The following SH3BP2 variants were observed in gnomAD, a reference collection of about 807,000 sequenced individuals.
The protein encoded by SH3BP2 is SH3 domain binding protein 2, also known as SH3 domain-binding protein 2.
SH3BP2 carries 38 observed loss-of-function variants against 56.2 expected under a neutral mutation model. That is an observed-to-expected ratio of 0.68 (90% confidence interval 0.52 to 0.89). The LOEUF (loss-of-function observed/expected upper bound fraction) is 0.89. SH3BP2 is among the 40% of genes least tolerant of loss of function. SH3BP2 has a pLI of 0.00. For missense variants in SH3BP2, 748 were observed against 762.6 expected (o/e 0.98, Z 0.23); for synonymous variants, 346 against 316.7 (o/e 1.09, Z -0.98).
intron 1 of SH3BP2, among the ~76,000 whole-genome samples, chr4:2,815,832 G>T (rs1723970160): frequency 6.6e-6 from 1 of 152,192 alleles, no homozygotes; most frequent in African/African-American, 2.4e-5. Flanking sequence ...GTGAGGATGG[G>T]AGACAATGAC....
At chr4:2,805,759 G>A (rs924695147) in intron 1 of SH3BP2, among the ~76,000 whole-genome samples, 6 of 152,220 alleles carry the variant, frequency 3.9e-5, no homozygotes, top group Non-Finnish European at 8.8e-5. Context: ...CAGGGCCTGC[G>A]GATTGGGGTC....
intron 3 of SH3BP2, 72 bp from the exon 4 acceptor site, chr4:2,824,541 C>A: frequency 8.7e-7 from 1 of 1,145,970 alleles, no homozygotes; most frequent in Non-Finnish European, 1.3e-6. Flanking sequence ...GACGTGTTCA[C>A]AGGGGGGTGC....
chr4:2,795,827 G>A (rs1723042539), intron 1 of SH3BP2, among the ~76,000 whole-genome samples: 1 of 152,176 alleles, frequency 6.6e-6, no homozygotes, highest in Non-Finnish European at 1.5e-5. Context: ...AAGGGGCCGT[G>A]CAGACCCTGG....
Position 2,833,814 on chromosome 4 carries a change from G to C in SH3BP2, c.1666G>C (p.Gly556Arg), listed in dbSNP as rs201197278. Residue 556 changes from glycine (G) to arginine (R), a missense_variant, in exon 13 of 13, where the codon GGC becomes CGC. This residue lies in a region of SH3BP2 where 635 missense variants were observed against 615.0 expected (regional missense o/e 1.03). Transcript: ENST00000503393. ...HQSLLLRHPYGYTGPR is the reference protein window; with the variant it reads ...HQSLLLRHPYRYTGPR ...GAGCCTGCTGCTGCGGCACCCCTACGGCTACACTGGGCCTAGGTGATGGCA... is the reference window on the plus strand; with the variant it reads ...GAGCCTGCTGCTGCGGCACCCCTACCGCTACACTGGGCCTAGGTGATGGCA... 1 of 1,579,362 alleles carries C rather than the reference G, an allele frequency of 6.3e-7. No homozygotes were observed. Among genetic ancestry groups the C allele is most frequent in the Non-Finnish European group, 8.6e-7 (1 of 1,163,072 alleles).
intron 1 of SH3BP2, among the ~76,000 whole-genome samples, chr4:2,813,840 A>C (rs1723872617): frequency 6.6e-6 from 1 of 152,144 alleles, no homozygotes. Flanking sequence ...TATATGTGTT[A>C]GTGTGGATGG....
In SH3BP2 at chr4:2,830,114, C is replaced by G; in HGVS notation, c.1208C>G (p.Pro403Arg). The change falls in exon 8 of 13, where the codon CCC becomes CGC. Residue 403 changes from proline to arginine, a missense_variant. Physicochemically the swap from Pro to Arg is moderately radical, Grantham distance 103 (BLOSUM62 -2). This residue lies in a region of SH3BP2 where 635 missense variants were observed against 615.0 expected (regional missense o/e 1.03). Coordinates refer to ENST00000503393, the MANE Select transcript of SH3BP2 (RefSeq NM_001122681.2). Reference sequence around the variant, plus strand: ...GCCATGGCGCGGCCCGCAGTCCTGCCCAGGCCAGAGAAGCCGCAGCTCCCG... The same window carrying G: ...GCCATGGCGCGGCCCGCAGTCCTGCGCAGGCCAGAGAAGCCGCAGCTCCCG... ...PEAMARPAVL[P>R]RPEKPQLPHL... 1.9e-6 allele frequency: 3 copies of G among 1,604,886 alleles called. No homozygotes were observed. The highest frequency in any genetic ancestry group is 2.5e-6 in the Non-Finnish European group (3 of 1,179,354).
At position 2,833,679 on chromosome 4, in the gene SH3BP2, C is replaced by T. The variant is rs200378212; in HGVS notation, c.1549-18C>T. On this transcript the variant is annotated intron_variant, in intron 12 of 12. Transcript: ENST00000503393. Reference sequence around the variant, plus strand: ...GTGGCCTGGCCCTGCTGACGCTCCCCCTTCTCTTCCCCCACAGGACTCTAA... The same window carrying T: ...GTGGCCTGGCCCTGCTGACGCTCCCTCTTCTCTTCCCCCACAGGACTCTAA... The T allele has an allele frequency of 1.1e-5, 17 of 1,607,680 alleles. No individual in the cohort carries two copies. The highest frequency in any genetic ancestry group is 2.7e-5 in the African/African-American group (2 of 74,870).
At chr4:2,813,151 C>G (rs568347627) in intron 1 of SH3BP2, among the ~76,000 whole-genome samples, 3 of 152,140 alleles carry the variant, frequency 2.0e-5, no homozygotes, top group African/African-American at 7.2e-5. Context: ...CAAGGGAAAC[C>G]GAAAAGGAAG....
chr4:2,795,910 C>T (rs1056229570), intron 1 of SH3BP2, among the ~76,000 whole-genome samples: 3 of 152,118 alleles, frequency 2.0e-5, no homozygotes, highest in South Asian at 2.1e-4. Flanking sequence ...GTCTGGACAC[C>T]GAGGGGCTGG....
chr4:2,826,498 C>T (rs111215831), intron 5 of SH3BP2: 8,864 of 179,308 alleles, frequency 0.049, 371 homozygotes, highest in South Asian at 0.065. Flanking sequence ...GTGTGCATGT[C>T]TGCGTGTTGC....
Position 2,834,467 on chromosome 4 carries a change from A to T in SH3BP2, c.*633A>T, listed in dbSNP as rs1013318811. On this transcript the variant is annotated 3_prime_UTR_variant, in exon 13 of 13. Transcript: ENST00000503393. ...GGTGCACAGCGAGTAACAGATCAGG[A>T]CCCAAACTTGGGCAGTCTGGGCTGG... 1 of 152,640 alleles carries T rather than the reference A, an allele frequency of 6.6e-6. No individual in the cohort carries two copies. Among genetic ancestry groups the T allele is most frequent in the Non-Finnish European group, 1.5e-5 (1 of 68,494 alleles). The allele number at this position is 152,640 out of a possible 1,614,324, so 9.5% of individuals were successfully genotyped here.
chr4:2,821,837 A>G lies in SH3BP2; in HGVS notation c.136+1084A>G, dbSNP rs188501104. ...TGGGATTACAGGTGTGAGCCACCGC[A>G]TCCAGCCTATTTTTTATTTATTTTT... On this transcript the variant is annotated intron_variant, in intron 2 of 12. Transcript: ENST00000503393. Among the ~76,000 whole-genome samples, 531 of 151,578 alleles carry G rather than the reference A, an allele frequency of 3.5e-3. 1 individual carries two copies. The highest frequency in any genetic ancestry group is 0.012 in the African/African-American group (476 of 41,258).
At chr4:2,814,044 G>GTGC (rs1723883913) in intron 1 of SH3BP2, among the ~76,000 whole-genome samples, 1 of 152,198 alleles carries the variant, frequency 6.6e-6, no homozygotes, top group Non-Finnish European at 1.5e-5. Context: ...GTCACATGAG[G>GTGC]TGCTGGCTCC....
intron 1 of SH3BP2, chr4:2,818,210 C>G (rs1182760229): frequency 2.0e-6 from 2 of 987,612 alleles, no homozygotes; most frequent in East Asian, 2.2e-4. Context: ...GCTGCCAGGC[C>G]AGGGCCGGCG....
intron 1 of SH3BP2, among the ~76,000 whole-genome samples, chr4:2,820,162 C>G (rs1428957344): frequency 1.3e-5 from 2 of 152,204 alleles, no homozygotes; most frequent in Non-Finnish European, 1.5e-5. Context: ...GCTGGGTGCT[C>G]TTGGCTGCTC....
rs756410928 is a variant in SH3BP2, at chr4:2,824,713, T to C, written c.340T>C (p.Ser114Pro). 1.9e-6 allele frequency: 3 copies of C among 1,612,394 alleles called. No individual in the cohort carries two copies. The highest frequency in any genetic ancestry group is 2.5e-6 in the Non-Finnish European group (3 of 1,178,634). The change falls in exon 4 of 13, where the codon TCC (serine) becomes CCC (proline). Residue 114 changes from serine to proline, a missense_variant. By Grantham distance (74) the Ser-to-Pro change is moderately conservative. Coordinates refer to ENST00000503393, the MANE Select transcript of SH3BP2 (RefSeq NM_001122681.2). Reference sequence around the variant, plus strand: ...CCGCACGTGGTTCTTCTCGGCCTCCTCCGAGGAGGAGCGCAAGGTGACTGG... The same window carrying C: ...CCGCACGTGGTTCTTCTCGGCCTCCCCCGAGGAGGAGCGCAAGGTGACTGG... The part of the protein sequence containing the change: ...KHRTWFFSAS[S>P]EEERKSWMAL...
chr4:2,821,919 G>C (rs1474355852), intron 2 of SH3BP2, among the ~76,000 whole-genome samples: 1 of 152,094 alleles, frequency 6.6e-6, no homozygotes, highest in Non-Finnish European at 1.5e-5. Flanking sequence ...CCAGGCTGGA[G>C]TGCAGTGACT....
chr4:2,827,590 C>T lies in SH3BP2; in HGVS notation c.518-16C>T, dbSNP rs367809628. 9 of 1,581,892 alleles carry T rather than the reference C, an allele frequency of 5.7e-6. No individual in the cohort carries two copies. In the South Asian group the frequency reaches 9.2e-5, roughly 16 times the overall value. The stretch of plus-strand genomic sequence containing the variant: ...TGGGCCGGTTTGGCTCTCACCACCC[C>T]CCTCTCCCCATGCAGACTATGAGCA... On this transcript the variant is annotated splice_polypyrimidine_tract_variant and intron_variant, in intron 6 of 12. Transcript: ENST00000503393.
intron 1 of SH3BP2, among the ~76,000 whole-genome samples, chr4:2,802,823 T>C (rs944060852): frequency 2.6e-5 from 4 of 152,134 alleles, no homozygotes; most frequent in Non-Finnish European, 4.4e-5. Context: ...AGGGACCCTG[T>C]TGTGCTGACT....
Sources: gnomAD v4.1 joint callset for allele counts (sites outside exome capture counted in the v4.1 genomes callset) on GRCh38, gnomAD v4.1.1 for gene constraint, gnomAD v4.1.1 regional missense constraint, MANE v1.5 for transcripts, NCBI Gene and HGNC (gene_info 2026-07-23, HGNC 2026-07-21) for gene names.